The following CDK5RAP2 variants were observed in gnomAD, a reference collection of about 807,000 sequenced individuals.
CDK5RAP2 encodes the protein CDK5 regulatory subunit associated protein 2.
In CDK5RAP2, 147 loss-of-function variants were observed where a neutral mutation model predicts 232.9. The observed-to-expected ratio is 0.63, with a 90% CI of 0.55 to 0.72. The LOEUF (loss-of-function observed/expected upper bound fraction) is 0.72, where lower values mean the gene tolerates loss of function less well. Among genes scored for constraint, CDK5RAP2 ranks in the 30% least tolerant of loss-of-function variants. The pLI, the probability that CDK5RAP2 is intolerant of heterozygous loss-of-function variation, is 0.00. For missense variants in CDK5RAP2, 2,195 were observed against 2,231.5 expected, an observed-to-expected ratio of 0.98 and a Z score of 0.33; for synonymous variants, 833 against 833.7, an observed-to-expected ratio of 1.00 and a Z score of 0.01.
At chr9:120,394,407 G>A (rs2032275851) in intron 36 of CDK5RAP2, 105 bp downstream of exon 36, 2 of 1,570,454 alleles carry the variant, frequency 1.3e-6, no homozygotes, top group East Asian at 2.2e-5. Context: ...TAGGAGGCAT[G>A]ATTACAAACC....
At chr9:120,562,729 T>C (rs1475796136) in intron 3 of CDK5RAP2, among the ~76,000 whole-genome samples, 2 of 151,996 alleles carry the variant, frequency 1.3e-5, no homozygotes, top group Non-Finnish European at 2.9e-5. Context: ...GATATGTCTC[T>C]AGGTATATCT....
chr9:120,470,344 G>A (rs554929702), intron 16 of CDK5RAP2, 124 bp from the exon 17 acceptor site: 49 of 609,520 alleles, frequency 8.0e-5, no homozygotes, highest in African/African-American at 3.2e-4. Flanking sequence ...GAGGTGGGGC[G>A]GAAGGGAGCA....
At chr9:120,440,128 G>T (rs1315930812) in intron 23 of CDK5RAP2, among the ~76,000 whole-genome samples, 156 bp from the exon 24 acceptor site, 1 of 151,826 alleles carries the variant, frequency 6.6e-6, no homozygotes, top group Non-Finnish European at 1.5e-5. Context: ...CCCTCAAAAA[G>T]CCTCCAGTCT....
intron 36 of CDK5RAP2, among the ~76,000 whole-genome samples, chr9:120,390,763 C>G (rs2031878827): frequency 1.3e-5 from 2 of 152,318 alleles, no homozygotes; most frequent in South Asian, 4.1e-4. Flanking sequence ...CTGTAACAGA[C>G]TCAACGCCCA....
intron 20 of CDK5RAP2, among the ~76,000 whole-genome samples, chr9:120,456,113 A>T (rs2036759499): frequency 6.6e-6 from 1 of 152,240 alleles, no homozygotes; most frequent in South Asian, 2.1e-4. Flanking sequence ...GAGTTATGAA[A>T]CTGGGACAGA....
chr9:120,527,658 T>A (rs763664400), intron 10 of CDK5RAP2, 148 bp downstream of exon 10: 10 of 816,714 alleles, frequency 1.2e-5, no homozygotes, highest in Middle Eastern at 3.6e-4. Context: ...CAAAAGAATT[T>A]CCGGTTGACT....
chr9:120,545,636 A>G, intron 5 of CDK5RAP2, 78 bp downstream of exon 5: 1 of 1,066,030 alleles, frequency 9.4e-7, no homozygotes, highest in Non-Finnish European at 1.5e-6. Context: ...CAACTGTCTT[A>G]GAAAAGTGTA....
chr9:120,403,928 A>G lies in CDK5RAP2; in HGVS notation c.5041+108T>C, dbSNP rs2131280083. ...TGAGAACTTGAAATCCCAAATCCTT[A>G]CCAAATACCCTCCTGAGTTGGGACC... On this transcript the variant is annotated intron_variant, in intron 33 of 37. Transcript: ENST00000349780. The surrounding 1 kb of genome is among the most constrained non-coding windows in gnomAD (Gnocchi z 4.2). 1 of 778,216 alleles carries G rather than the reference A, an allele frequency of 1.3e-6. No homozygotes were observed. The highest frequency in any genetic ancestry group is 2.3e-6 in the Non-Finnish European group (1 of 434,110). 48.2% of individuals were successfully genotyped at this position (778,216 alleles called of 1,614,324 possible). A position where few individuals can be genotyped will look rare whatever the true frequency, so the allele number is the denominator to read the frequency against.
At chr9:120,526,923 A>G (rs2040924479) in intron 10 of CDK5RAP2, among the ~76,000 whole-genome samples, 1 of 151,958 alleles carries the variant, frequency 6.6e-6, no homozygotes, top group African/African-American at 2.4e-5. Flanking sequence ...ACTCCTACTT[A>G]TCCTTTCAGA....
chr9:120,578,651 C>T (rs1012192205), intron 1 of CDK5RAP2, among the ~76,000 whole-genome samples: 1 of 151,260 alleles, frequency 6.6e-6, no homozygotes, highest in Non-Finnish European at 1.5e-5. Context: ...ACTGCAGCAT[C>T]AACCTTCCGG....
chr9:120,451,136 C>G (rs1211305668), intron 21 of CDK5RAP2, among the ~76,000 whole-genome samples: 2 of 152,144 alleles, frequency 1.3e-5, no homozygotes, highest in African/African-American at 4.8e-5. Context: ...GGAAGACTGC[C>G]GTCAGTCAAC....
chr9:120,391,095 T>C (rs1222481268), intron 36 of CDK5RAP2, among the ~76,000 whole-genome samples: 2 of 151,996 alleles, frequency 1.3e-5, no homozygotes, highest in South Asian at 2.1e-4. Flanking sequence ...GGGGTATGTA[T>C]CTGGACGTCC....
At chr9:120,437,109 C>T (rs1040618824) in intron 25 of CDK5RAP2, among the ~76,000 whole-genome samples, 186 bp downstream of exon 25, 2 of 152,084 alleles carry the variant, frequency 1.3e-5, no homozygotes, top group Admixed American at 6.5e-5. Flanking sequence ...GTAACAGTGC[C>T]GACCACAAGC....
intron 1 of CDK5RAP2, 106 bp downstream of exon 1, chr9:120,579,814 C>G (rs1327419253): frequency 6.7e-6 from 6 of 897,934 alleles, no homozygotes; most frequent in Admixed American, 1.9e-5. Flanking sequence ...ACACACTGCC[C>G]CTGGCCAGAC....
intron 3 of CDK5RAP2, among the ~76,000 whole-genome samples, chr9:120,554,628 G>GT (rs1350064880): frequency 1.9e-4 from 29 of 151,152 alleles, no homozygotes; most frequent in East Asian, 1.5e-3. Context: ...GAAACTTTTT[G>GT]TTTTTTTTGT....
At chr9:120,529,468 C>T (rs556872961) in intron 8 of CDK5RAP2, among the ~76,000 whole-genome samples, 5 of 152,310 alleles carry the variant, frequency 3.3e-5, no homozygotes, top group South Asian at 2.1e-4. Context: ...CGTTTCTAAA[C>T]GTGACAAGGA....
intron 27 of CDK5RAP2, among the ~76,000 whole-genome samples, chr9:120,418,459 T>A (rs2034368329): frequency 6.6e-6 from 1 of 152,212 alleles, no homozygotes; most frequent in Non-Finnish European, 1.5e-5. Context: ...ACTTTCCTTC[T>A]GGTTCCTCAA....
chr9:120,537,586 A>C (rs2041448653), intron 6 of CDK5RAP2, among the ~76,000 whole-genome samples: 1 of 152,154 alleles, frequency 6.6e-6, no homozygotes, highest in African/African-American at 2.4e-5. Flanking sequence ...ACAGTAGAGT[A>C]TAGCAGTTTA....
rs185536682 is a variant in CDK5RAP2 at position 120,490,049 on chromosome 9, C to T, written c.1482+1258G>A. ...CTCAAACTCCCGACCTCGGGTTATC[C>T]GCCCACCTCAGCCTCCCAAAGTGCT... On this transcript the variant is annotated intron_variant, in intron 13 of 37. Coordinates refer to ENST00000349780, the MANE Select transcript of CDK5RAP2 (RefSeq NM_018249.6). Among the ~76,000 whole-genome samples, 281 of 152,286 alleles carry T rather than the reference C, an allele frequency of 1.8e-3. 1 individual carries two copies. Among genetic ancestry groups the T allele is most frequent in the Non-Finnish European group, 2.9e-3 (199 of 68,020 alleles).
Sources: allele counts gnomAD v4.1 joint callset (sites outside exome capture counted in the v4.1 genomes callset), GRCh38; gene constraint gnomAD v4.1.1; non-coding constraint Gnocchi (gnomAD v3.1); transcripts MANE v1.5; gene names NCBI Gene and HGNC (gene_info 2026-07-23, HGNC 2026-07-21).